The following MTRF1 variants were observed in gnomAD, a reference collection of about 807,000 sequenced individuals.
MTRF1 encodes the protein peptide chain release factor 1, mitochondrial.
In MTRF1, 51 loss-of-function variants were observed where a neutral mutation model predicts 62.9. The observed-to-expected ratio is 0.81, with a 90% CI of 0.65 to 1.02. The LOEUF is 1.02. MTRF1 is among the 50% of genes least tolerant of loss of function. The probability of loss-of-function intolerance (pLI) is 0.00; values close to 1 mark genes in which losing one functional copy is unlikely to be tolerated. For missense variants in MTRF1, 446 were observed against 530.0 expected (o/e 0.84, Z 1.56); for synonymous variants, 158 against 181.9 (o/e 0.87, Z 1.06).
chr13:41,255,573 C>T (rs990030179), intron 2 of MTRF1, among the ~76,000 whole-genome samples: 2 of 151,966 alleles, frequency 1.3e-5, no homozygotes, highest in Admixed American at 6.6e-5. Context: ...ACGCGTGTAC[C>T]CCTAGCTACT....
At chr13:41,219,316 G>T (rs1470364460) in intron 9 of MTRF1, among the ~76,000 whole-genome samples, 1 of 151,350 alleles carries the variant, frequency 6.6e-6, no homozygotes, top group African/African-American at 2.4e-5. Flanking sequence ...AATGTACCTG[G>T]TACTCAAATT....
chr13:41,307,044 T>C, the MTRF1 span, among the ~76,000 whole-genome samples: 3 of 152,358 alleles, frequency 2.0e-5, no homozygotes, highest in East Asian at 1.9e-4. Context: ...GGCTTTCTGA[T>C]TGTGCATACA....
chr13:41,217,677 A>G (rs2032181188), intron 9 of MTRF1, among the ~76,000 whole-genome samples: 1 of 152,166 alleles, frequency 6.6e-6, no homozygotes, highest in Admixed American at 6.5e-5. Context: ...CACTCACATT[A>G]TGTTATTTCC....
At chr13:41,251,254 G>A (rs146820157) in intron 5 of MTRF1, among the ~76,000 whole-genome samples, 4 of 152,176 alleles carry the variant, frequency 2.6e-5, no homozygotes, top group African/African-American at 9.6e-5. Context: ...GTCATATCTG[G>A]ATTACTCTAA....
chr13:41,289,256 A>G, the MTRF1 span, among the ~76,000 whole-genome samples: 107 of 126,756 alleles, frequency 8.4e-4, no homozygotes, highest in Non-Finnish European at 1.5e-3. Context: ...TTTTTCTGAG[A>G]TGGAGTCTCG....
chr13:41,271,576 A>G, the MTRF1 span, among the ~76,000 whole-genome samples: 1 of 152,066 alleles, frequency 6.6e-6, no homozygotes. Context: ...CTCTCTCCAG[A>G]GGTCTAAGAT....
intron 7 of MTRF1, among the ~76,000 whole-genome samples, chr13:41,228,751 T>C (rs1048867723): frequency 6.6e-6 from 1 of 152,200 alleles, no homozygotes; most frequent in Admixed American, 6.5e-5. Context: ...CATACCCCTA[T>C]GAATAACTCT....
the MTRF1 span, among the ~76,000 whole-genome samples, chr13:41,279,232 C>A: frequency 1.3e-5 from 2 of 152,156 alleles, no homozygotes; most frequent in African/African-American, 4.8e-5. Context: ...TCAGGTGATT[C>A]ACCTGCCTCA....
At chr13:41,222,589 C>T (rs1225782452) in intron 9 of MTRF1, among the ~76,000 whole-genome samples, 2 of 152,164 alleles carry the variant, frequency 1.3e-5, no homozygotes, top group African/African-American at 4.8e-5. Flanking sequence ...CTTAAAAAGG[C>T]CCGAGTCATT....
chr13:41,242,250 AATT>A (rs147231431), intron 5 of MTRF1, among the ~76,000 whole-genome samples: 40 of 152,344 alleles, frequency 2.6e-4, no homozygotes, highest in African/African-American at 9.4e-4. Context: ...AATCAAGCAC[AATT>A]ATTATTAAAG....
rs533233632 is a variant in MTRF1 at position 41,263,389 on chromosome 13, C to A, written c.-9+96G>T. 5.6e-5 allele frequency: 49 copies of A among 879,582 alleles called. No homozygotes were observed. The African/African-American group carries it at 7.1e-4, about 13-fold the overall frequency. 54.5% of individuals were successfully genotyped at this position (879,582 alleles called of 1,614,324 possible). On this transcript the variant is annotated intron_variant, in intron 1 of 9. Coordinates refer to ENST00000379480, the MANE Select transcript of MTRF1 (RefSeq NM_004294.4). ...AGCGACAGCCCGCGGGGCAGCAGCA[C>A]GGGCAAACCATGCTGTGTAACTCAG... is the stretch of plus-strand genomic sequence containing the variant.
intron 5 of MTRF1, among the ~76,000 whole-genome samples, chr13:41,247,367 T>C (rs1457975233): frequency 1.3e-5 from 2 of 152,204 alleles, no homozygotes; most frequent in African/African-American, 4.8e-5. Flanking sequence ...CTGGCTTTCA[T>C]TGACAGGGAT....
the MTRF1 span, among the ~76,000 whole-genome samples, chr13:41,270,315 C>A: frequency 6.6e-6 from 1 of 152,058 alleles, no homozygotes. Flanking sequence ...CTTGAAAAAG[C>A]ATTTAACTAG....
the MTRF1 span, among the ~76,000 whole-genome samples, chr13:41,297,114 A>C: frequency 6.6e-6 from 1 of 152,164 alleles, no homozygotes; most frequent in African/African-American, 2.4e-5. Flanking sequence ...GAGGATCGTT[A>C]AGTCAACATC....
Position 41,254,548 on chromosome 13 carries a change from A to G in MTRF1, c.488T>C (p.Ile163Thr). 1 of 1,613,546 alleles carries G rather than the reference A, an allele frequency of 6.2e-7. No individual in the cohort carries two copies. The highest frequency in any genetic ancestry group is 8.5e-7 in the Non-Finnish European group (1 of 1,179,666). The change falls in exon 3 of 10, where the codon ATC (isoleucine) becomes ACC (threonine). Residue 163 changes from isoleucine to threonine, a missense_variant. By Grantham distance (89) the Ile-to-Thr change is moderately conservative (BLOSUM62 -1). Transcript: ENST00000379480. ...ACCTACCTCATTGTACAACATGTTG[A>G]TTTTTTGATCAATGGTTTGCCTTTC... The part of the protein sequence containing the change: ...LEERQTIDQK[I>T]NMLYNELFQS...
At chr13:41,289,374 GT>G in the MTRF1 span, among the ~76,000 whole-genome samples, 21 of 151,818 alleles carry the variant, frequency 1.4e-4, no homozygotes, top group Non-Finnish European at 2.8e-4. Flanking sequence ...GGTAGCTGGG[GT>G]TATAGGTATG....
chr13:41,259,747 C>A (rs1258413842), intron 2 of MTRF1, among the ~76,000 whole-genome samples: 1 of 142,706 alleles, frequency 7.0e-6, no homozygotes, highest in South Asian at 2.3e-4. Flanking sequence ...TAAAAGCTTC[C>A]TTCCTGGTTC....
At chr13:41,261,750 C>A in intron 1 of MTRF1, 4 of 978,468 alleles carry the variant, frequency 4.1e-6, no homozygotes, top group Non-Finnish European at 4.9e-6. Flanking sequence ...ATGTAAGTTG[C>A]CTGTTCAGGA....
chr13:41,243,902 A>G (rs1043339685), intron 5 of MTRF1, among the ~76,000 whole-genome samples: 4 of 152,242 alleles, frequency 2.6e-5, no homozygotes, highest in African/African-American at 9.6e-5. Context: ...ACTTTTTTGC[A>G]TATGCTCTTG....
Sources: allele counts gnomAD v4.1 joint callset (sites outside exome capture counted in the v4.1 genomes callset), GRCh38; gene constraint gnomAD v4.1.1; transcripts MANE v1.5; gene names NCBI Gene and HGNC (gene_info 2026-07-23, HGNC 2026-07-21).